MACROD2: variants seen among roughly 807,000 people sequenced by gnomAD.
The protein encoded by MACROD2 is mono-ADP ribosylhydrolase 2.
MACROD2 carries 36 observed loss-of-function variants against 70.4 expected under a neutral mutation model. The observed-to-expected ratio is 0.51, with a 90% confidence interval of 0.39 to 0.68. The LOEUF is 0.68. Ranked by LOEUF, MACROD2 falls within the 30% of genes least tolerant of loss-of-function variation. The pLI, the probability that MACROD2 is intolerant of heterozygous loss-of-function variation, is 0.00. For missense variants in MACROD2, 496 were observed against 538.4 expected, an observed-to-expected ratio of 0.92 and a Z score of 0.78; for synonymous variants, 172 against 178.8, an observed-to-expected ratio of 0.96 and a Z score of 0.30.
chr20:14,371,894 G>T (rs2083327638), intron 3 of MACROD2, among the ~76,000 whole-genome samples: 1 of 151,520 alleles, frequency 6.6e-6, no homozygotes, highest in Non-Finnish European at 1.5e-5. Context: ...TCAATTACTC[G>T]AGGGCCTTTT....
Position 14,889,620 on chromosome 20 carries a change from C to T in MACROD2, c.418+204661C>T, listed in dbSNP as rs531359776. On this transcript the variant is annotated intron_variant, in intron 5 of 17. Transcript: ENST00000684519. ...AAAGTGAGGACCGTAAGGAGGTAATCTTCAGCCAGGGAAGTCCCAGGAGAT... is the reference window on the plus strand; with the variant it reads ...AAAGTGAGGACCGTAAGGAGGTAATTTTCAGCCAGGGAAGTCCCAGGAGAT... Among the ~76,000 whole-genome samples the T allele has an allele frequency of 3.3e-5, 5 of 152,244 alleles. No homozygotes were observed. In the South Asian group the frequency reaches 1.0e-3, roughly 32 times the overall value.
At chr20:14,954,587 T>C (rs1269060720) in intron 5 of MACROD2, among the ~76,000 whole-genome samples, 1 of 134,642 alleles carries the variant, frequency 7.4e-6, no homozygotes, top group African/African-American at 2.8e-5. Flanking sequence ...AAATTATAAA[T>C]TATATATAAT....
chr20:15,115,343 C>T (rs1216816184), intron 5 of MACROD2, among the ~76,000 whole-genome samples: 1 of 152,066 alleles, frequency 6.6e-6, no homozygotes, highest in Admixed American at 6.6e-5. Flanking sequence ...GATTCTCCTG[C>T]CTCAGACTCC....
chr20:14,227,440 C>T (rs997034181), intron 3 of MACROD2, among the ~76,000 whole-genome samples: 3 of 152,080 alleles, frequency 2.0e-5, no homozygotes, highest in South Asian at 2.1e-4. Flanking sequence ...CTGAAGCCAG[C>T]GAGACCACGC....
At chr20:14,417,905 G>A (rs933397607) in intron 3 of MACROD2, among the ~76,000 whole-genome samples, 5 of 152,206 alleles carry the variant, frequency 3.3e-5, no homozygotes, top group African/African-American at 1.2e-4. Context: ...AATGATACAT[G>A]TGAGATATGA....
intron 5 of MACROD2, among the ~76,000 whole-genome samples, chr20:15,115,691 T>A (rs2075986820): frequency 6.6e-6 from 1 of 152,186 alleles, no homozygotes; most frequent in Non-Finnish European, 1.5e-5. Context: ...AGTTACCTTC[T>A]TAATTTTAAT....
intron 8 of MACROD2, among the ~76,000 whole-genome samples, chr20:15,691,296 A>G (rs951058205): frequency 6.6e-6 from 1 of 152,088 alleles, no homozygotes; most frequent in South Asian, 2.1e-4. Context: ...GCTATTATCT[A>G]CCTCTCAGGT....
intron 8 of MACROD2, among the ~76,000 whole-genome samples, chr20:15,834,697 A>T (rs2064093701): frequency 6.6e-6 from 1 of 152,222 alleles, no homozygotes. Flanking sequence ...CACATATTAG[A>T]CACTCTGATG....
intron 2 of MACROD2, among the ~76,000 whole-genome samples, chr20:14,075,238 A>T (rs2053902379): frequency 6.6e-6 from 1 of 152,226 alleles, no homozygotes; most frequent in African/African-American, 2.4e-5. Context: ...AAAAAGGAAA[A>T]AAATTTGTGC....
At chr20:14,218,813 A>G (rs182940088) in intron 3 of MACROD2, among the ~76,000 whole-genome samples, 25 of 152,318 alleles carry the variant, frequency 1.6e-4, no homozygotes, top group Admixed American at 1.4e-3. Context: ...CCTGGATACA[A>G]AATTCTTGGC....
At chr20:15,738,740 C>A (rs1326759902) in intron 8 of MACROD2, among the ~76,000 whole-genome samples, 1 of 151,980 alleles carries the variant, frequency 6.6e-6, no homozygotes, top group Non-Finnish European at 1.5e-5. Context: ...TGAGGCACAT[C>A]CAGCAGAACC....
chr20:15,166,604 A>G (rs1208469669), intron 5 of MACROD2, among the ~76,000 whole-genome samples: 2 of 152,118 alleles, frequency 1.3e-5, no homozygotes, highest in Non-Finnish European at 1.5e-5. Context: ...GATCATCTCA[A>G]TAGAAACAAA....
intron 13 of MACROD2, among the ~76,000 whole-genome samples, chr20:15,981,974 CTT>C (rs931843362): frequency 1.4e-5 from 2 of 146,466 alleles, no homozygotes; most frequent in Admixed American, 6.8e-5. Context: ...GACAGACATA[CTT>C]TTTTTTTTTG....
chr20:14,079,417 T>C (rs563021235), intron 2 of MACROD2, among the ~76,000 whole-genome samples: 113 of 152,186 alleles, frequency 7.4e-4, no homozygotes, highest in Non-Finnish European at 1.5e-3. Context: ...ATAAGATAAT[T>C]TTTATGGTTA....
At chr20:15,050,005 A>G (rs1301491325) in intron 5 of MACROD2, among the ~76,000 whole-genome samples, 4 of 151,994 alleles carry the variant, frequency 2.6e-5, no homozygotes, top group Non-Finnish European at 5.9e-5. Flanking sequence ...TTCATAATCT[A>G]CCTGTGTTTC....
chr20:15,926,458 G>A (rs114341721), intron 10 of MACROD2, among the ~76,000 whole-genome samples: 366 of 152,278 alleles, frequency 2.4e-3, no homozygotes, highest in African/African-American at 8.5e-3. Flanking sequence ...TCAAGGAGGG[G>A]CAGGAACACA....
chr20:14,677,494 G>A (rs1157743543), intron 4 of MACROD2, among the ~76,000 whole-genome samples: 1 of 152,120 alleles, frequency 6.6e-6, no homozygotes, highest in African/African-American at 2.4e-5. Context: ...AATATGTCAG[G>A]GAGTCAAAAT....
At chr20:14,160,255 C>T (rs1023935603) in intron 3 of MACROD2, among the ~76,000 whole-genome samples, 9 of 151,922 alleles carry the variant, frequency 5.9e-5, no homozygotes, top group African/African-American at 1.5e-4. Flanking sequence ...AGAGATAATT[C>T]CCTCTGCTTC....
intron 15 of MACROD2, among the ~76,000 whole-genome samples, chr20:15,990,610 G>T (rs1485136057): frequency 6.6e-6 from 1 of 152,106 alleles, no homozygotes; most frequent in African/African-American, 2.4e-5. Context: ...GTATACTATG[G>T]TTTAATGTTT....
Sources: allele counts gnomAD v4.1 joint callset (sites outside exome capture counted in the v4.1 genomes callset), GRCh38; gene constraint gnomAD v4.1.1; transcripts MANE v1.5; gene names NCBI Gene and HGNC (gene_info 2026-07-23, HGNC 2026-07-21).